Variants in NAALADL2 observed in about 807,000 individuals in gnomAD.
NAALADL2 encodes the protein inactive N-acetylated-alpha-linked acidic dipeptidase-like protein 2.
NAALADL2 carries 76 observed loss-of-function variants against 87.2 expected under a neutral mutation model. That is an observed-to-expected ratio of 0.87 (90% CI 0.72 to 1.05). The LOEUF is 1.05. Among genes scored for constraint, NAALADL2 ranks in the 50% least tolerant of loss-of-function variants. NAALADL2 has a pLI of 0.00. For missense variants in NAALADL2, 1,089 were observed against 945.8 expected (o/e 1.15, Z -1.99); for synonymous variants, 354 against 331.0 (o/e 1.07, Z -0.75).
At chr3:174,845,128 A>G (rs976550619) in intron 3 of NAALADL2, among the ~76,000 whole-genome samples, 10 of 152,220 alleles carry the variant, frequency 6.6e-5, no homozygotes, top group African/African-American at 2.4e-4. Context: ...TGTTGGGTCA[A>G]TATACCTAAG....
intron 11 of NAALADL2, among the ~76,000 whole-genome samples, chr3:175,670,390 T>A (rs987735269): frequency 6.7e-6 from 1 of 148,476 alleles, no homozygotes; most frequent in Non-Finnish European, 1.5e-5. Context: ...TTATAACATT[T>A]AATTATATTA....
chr3:174,897,202 A>C (rs1731650268), intron 1 of NAALADL2, among the ~76,000 whole-genome samples: 1 of 152,174 alleles, frequency 6.6e-6, no homozygotes, highest in Non-Finnish European at 1.5e-5. Context: ...TACACAGCAA[A>C]TGATACAGTC....
chr3:175,118,407 ATAAT>A (rs1353745483), intron 2 of NAALADL2, among the ~76,000 whole-genome samples: 1 of 151,746 alleles, frequency 6.6e-6, no homozygotes, highest in Admixed American at 6.6e-5. Flanking sequence ...CATTAAAAAA[ATAAT>A]TAAATAAAGC....
intron 4 of NAALADL2, among the ~76,000 whole-genome samples, chr3:175,301,273 C>G (rs1002207847): frequency 2.0e-5 from 3 of 151,948 alleles, no homozygotes; most frequent in African/African-American, 4.8e-5. Context: ...TATCCCTCCC[C>G]TTGTTCCCAA....
At chr3:175,043,232 C>T (rs1754282994) in intron 1 of NAALADL2, among the ~76,000 whole-genome samples, 1 of 151,960 alleles carries the variant, frequency 6.6e-6, no homozygotes, top group South Asian at 2.1e-4. Flanking sequence ...TGCCATTGAG[C>T]TATATTATTT....
chr3:175,755,874 A>T (rs1284788722), intron 13 of NAALADL2, among the ~76,000 whole-genome samples: 1 of 152,174 alleles, frequency 6.6e-6, no homozygotes, highest in Non-Finnish European at 1.5e-5. Flanking sequence ...ATTTAGATCG[A>T]TGTTGAAACA....
chr3:175,367,231 G>T (rs1377185721), intron 5 of NAALADL2, among the ~76,000 whole-genome samples: 1 of 151,528 alleles, frequency 6.6e-6, no homozygotes, highest in Non-Finnish European at 1.5e-5. Flanking sequence ...CTCTATTTTG[G>T]TACCAGTTCC....
At chr3:175,706,972 G>A in intron 11 of NAALADL2, among the ~76,000 whole-genome samples, 1 of 152,034 alleles carries the variant, frequency 6.6e-6, no homozygotes. Flanking sequence ...TTGACTATAT[G>A]TATATAATGG....
chr3:174,842,496 G>A (rs1724141628), intron 3 of NAALADL2, among the ~76,000 whole-genome samples: 1 of 152,190 alleles, frequency 6.6e-6, no homozygotes, highest in Admixed American at 6.5e-5. Context: ...TTACATGAAG[G>A]AAGCTGAGAT....
intron 10 of NAALADL2, among the ~76,000 whole-genome samples, chr3:175,610,643 A>G (rs1459767354): frequency 6.6e-6 from 1 of 152,080 alleles, no homozygotes; most frequent in African/African-American, 2.4e-5. Flanking sequence ...CCATCTTACC[A>G]TCTTCTTCCC....
At chr3:175,260,241 C>T (rs1329981554) in intron 4 of NAALADL2, among the ~76,000 whole-genome samples, 1 of 152,018 alleles carries the variant, frequency 6.6e-6, no homozygotes, top group Non-Finnish European at 1.5e-5. Flanking sequence ...GATAATTTTC[C>T]TTCTAGGCCT....
intron 3 of NAALADL2, among the ~76,000 whole-genome samples, chr3:174,743,474 G>A (rs963375719): frequency 6.6e-6 from 1 of 151,594 alleles, no homozygotes; most frequent in Non-Finnish European, 1.5e-5. Flanking sequence ...TTCTAACTTG[G>A]CTATACTTTT....
intron 3 of NAALADL2, among the ~76,000 whole-genome samples, chr3:174,763,802 G>C (rs1174515328): frequency 6.9e-6 from 1 of 144,510 alleles, no homozygotes; most frequent in African/African-American, 2.6e-5. Context: ...TTTCTTTTCT[G>C]GTTAGAAAAC....
chr3:175,584,974 G>A (rs1329224076), intron 10 of NAALADL2, among the ~76,000 whole-genome samples: 1 of 151,948 alleles, frequency 6.6e-6, no homozygotes, highest in African/African-American at 2.4e-5. Context: ...TCTTTCTTTA[G>A]TAATAAATAA....
chr3:174,771,388 C>T (rs192264239), intron 3 of NAALADL2, among the ~76,000 whole-genome samples: 8 of 152,164 alleles, frequency 5.3e-5, no homozygotes, highest in South Asian at 4.1e-4. Flanking sequence ...GAGTGCAATA[C>T]GAGGTTTTAC....
intron 2 of NAALADL2, among the ~76,000 whole-genome samples, chr3:174,705,649 G>A (rs978080414): frequency 3.3e-5 from 5 of 151,978 alleles, no homozygotes; most frequent in East Asian, 3.9e-4. Context: ...CGGGCGTGGT[G>A]GTGGGCGCCT....
chr3:174,598,493 C>G (rs540947083), intron 2 of NAALADL2, among the ~76,000 whole-genome samples: 1 of 151,976 alleles, frequency 6.6e-6, no homozygotes, highest in African/African-American at 2.4e-5. Flanking sequence ...CCAAAGAAAC[C>G]GTGTTATTTC....
intron 2 of NAALADL2, among the ~76,000 whole-genome samples, chr3:174,573,412 T>C (rs1715155267): frequency 6.6e-6 from 1 of 152,120 alleles, no homozygotes; most frequent in South Asian, 2.1e-4. Context: ...AGACTAAAGG[T>C]GTCCACCATC....
At chr3:175,585,437 G>C (rs974210469) in intron 10 of NAALADL2, among the ~76,000 whole-genome samples, 1 of 152,136 alleles carries the variant, frequency 6.6e-6, no homozygotes, top group African/African-American at 2.4e-5. Context: ...TCTATACAAA[G>C]GTCCTAAATG....
Sources: gnomAD v4.1 joint callset for allele counts (sites outside exome capture counted in the v4.1 genomes callset) on GRCh38, gnomAD v4.1.1 for gene constraint, MANE v1.5 for transcripts, NCBI Gene and HGNC (gene_info 2026-07-23, HGNC 2026-07-21) for gene names.